CEP41: variants seen among roughly 807,000 people sequenced by gnomAD.
The protein encoded by CEP41 is centrosomal protein of 41 kDa.
In CEP41, 32 loss-of-function variants were observed where a neutral mutation model predicts 44.3. The observed-to-expected ratio is 0.72, with a 90% CI of 0.54 to 0.97. The LOEUF is 0.97. CEP41 is among the 50% of genes least tolerant of loss of function. The pLI is 0.00. For missense variants in CEP41, 432 were observed against 455.2 expected (o/e 0.95, Z 0.46); for synonymous variants, 151 against 168.5 (o/e 0.90, Z 0.80).
rs1282917673 is a variant in CEP41, at chr7:130,400,872, A to G, written c.643-51T>C. 5 of 1,157,208 alleles carry G rather than the reference A, an allele frequency of 4.3e-6. No individual in the cohort carries two copies. In the African/African-American group the frequency reaches 7.6e-5, roughly 18 times the overall value. The allele number at this position is 1,157,208 out of a possible 1,614,324, so 71.7% of individuals were successfully genotyped here. A position where few individuals can be genotyped will look rare whatever the true frequency, so the allele number is the denominator to read the frequency against. ...CAAGGCACTGGGCTGATGTCCCAAG[A>G]CTACGAGAAACCCCCAAGGAATAAA... On this transcript the variant is annotated intron_variant, in intron 8 of 10. Transcript: ENST00000223208.
intron 10 of CEP41, 166 bp from the exon 11 acceptor site, chr7:130,399,205 G>A: frequency 2.6e-6 from 2 of 780,002 alleles, no homozygotes; most frequent in Non-Finnish European, 4.2e-6. Flanking sequence ...CCTCATCCTT[G>A]AGATCAGCCT....
At chr7:130,417,322 G>A in intron 2 of CEP41, 2 of 1,112,698 alleles carry the variant, frequency 1.8e-6, no homozygotes, top group South Asian at 4.9e-5. Flanking sequence ...CTTTTTGTGG[G>A]GAAGATACAC....
At chr7:130,417,042 GA>G in intron 2 of CEP41, 76 bp from the exon 3 acceptor site, 3 of 1,369,064 alleles carry the variant, frequency 2.2e-6, no homozygotes. Flanking sequence ...CAGAATGGAG[GA>G]AAAGTATCCC....
rs557181852 is a variant in CEP41, at chr7:130,416,041, A to C, written c.145+878T>G. ...GGTTTCCCAATATTGCAGCAATTCA[A>C]ATGGAACTTTGATTTCAAATAAAAG... On this transcript the variant is annotated intron_variant, in intron 3 of 10. Coordinates refer to ENST00000223208, the MANE Select transcript of CEP41 (RefSeq NM_018718.3). 5.9e-4 allele frequency among the ~76,000 whole-genome samples: 90 copies of C among 152,290 alleles called. 1 individual carries two copies. Among genetic ancestry groups the C allele is most frequent in the African/African-American group, 1.9e-3 (80 of 41,568 alleles).
rs1554416738 is a variant in CEP41 at position 130,400,816 on chromosome 7, A to G, written c.648T>C (p.Asn216=). ...ACAGAATGATGATCTTGCCATGGGCATTTTTCTAAGAGTCAGATGAGTTAA... is the reference window on the plus strand; with the variant it reads ...ACAGAATGATGATCTTGCCATGGGCGTTTTTCTAAGAGTCAGATGAGTTAA... The part of the protein sequence containing the change: ...PYSNDILEYK[N]AHGKIIILYD... The change falls in exon 9 of 11, where the codon AAT becomes AAC. Residue 216 remains asparagine, a synonymous_variant. Coordinates refer to ENST00000223208, the MANE Select transcript of CEP41 (RefSeq NM_018718.3). The G allele has an allele frequency of 1.2e-6, 2 of 1,607,500 alleles. No homozygotes were observed. The highest frequency in any genetic ancestry group is 2.2e-5 in the East Asian group (1 of 44,840).
At chr7:130,416,847 TGTTA>T in intron 3 of CEP41, 68 bp downstream of exon 3, 1 of 1,154,690 alleles carries the variant, frequency 8.7e-7, no homozygotes, top group Middle Eastern at 1.9e-4. Flanking sequence ...GGAACACAAT[TGTTA>T]GTTAAGAACC....
At chr7:130,418,874 AC>A (rs1203257522) in intron 2 of CEP41, among the ~76,000 whole-genome samples, 2 of 152,192 alleles carry the variant, frequency 1.3e-5, no homozygotes, top group Non-Finnish European at 2.9e-5. Context: ...TATTATTGAA[AC>A]ACTGCATTTC....
At position 130,432,588 on chromosome 7, in the gene CEP41, C is replaced by CAAAAAAA. The variant is rs56874452; in HGVS notation, c.34-4577_34-4571dup. Among the ~76,000 whole-genome samples the CAAAAAAA allele has an allele frequency of 8.0e-4, 48 of 59,802 alleles. 1 individual carries two copies. Among genetic ancestry groups the CAAAAAAA allele is most frequent in the East Asian group, 2.3e-3 (6 of 2,594 alleles). The allele number at this position is 59,802 out of a possible 152,430, so 39.2% of individuals were successfully genotyped here. A position where few individuals can be genotyped will look rare whatever the true frequency, so the allele number is the denominator to read the frequency against. ...GCAACACAGGGAAACTTTGTTTCCA[C>CAAAAAAA]AAAAAAAAAAAAAAAAAAAAAAAAA... On this transcript the variant is annotated intron_variant, in intron 1 of 10. Coordinates refer to ENST00000223208, the MANE Select transcript of CEP41 (RefSeq NM_018718.3).
chr7:130,437,764 C>CAAAAAAAAAAAAAAAAAAA (rs1171735164), intron 1 of CEP41, among the ~76,000 whole-genome samples: 53 of 32,298 alleles, frequency 1.6e-3, no homozygotes, highest in Middle Eastern at 0.013. Context: ...AAGACTGTCT[C>CAAAAAAAAAAAAAAAAAAA]AAAAAAAAAA....
chr7:130,396,696 T>C lies in CEP41; in HGVS notation c.*2195A>G, dbSNP rs1554414719. 1 of 454,448 alleles carries C rather than the reference T, an allele frequency of 2.2e-6. No homozygotes were observed. Among genetic ancestry groups the C allele is most frequent in the East Asian group, 6.9e-5 (1 of 14,412 alleles). The allele number at this position is 454,448 out of a possible 1,614,324, so 28.2% of individuals were successfully genotyped here. A position where few individuals can be genotyped will look rare whatever the true frequency, so the allele number is the denominator to read the frequency against. The stretch of plus-strand genomic sequence containing the variant: ...GAATGTTTGATATTAACACTTAACA[T>C]GCAAAACGCAGATTAGAACAGCTCT... On this transcript the variant is annotated 3_prime_UTR_variant, in exon 11 of 11. Transcript: ENST00000223208.
intron 2 of CEP41, chr7:130,419,325 C>A: frequency 3.0e-6 from 3 of 985,374 alleles, no homozygotes; most frequent in Non-Finnish European, 3.6e-6. Context: ...AATGAGATAG[C>A]AGGATGGCTG....
In CEP41 at chr7:130,395,445, T is replaced by C. The variant is rs139710833; in HGVS notation, c.*3446A>G. The C allele has an allele frequency of 7.0e-5, 32 of 454,124 alleles. 1 individual carries two copies. Among genetic ancestry groups the C allele is most frequent in the Admixed American group, 3.5e-4 (15 of 42,582 alleles). The allele number at this position is 454,124 out of a possible 1,614,324, so 28.1% of individuals were successfully genotyped here. ...CACATTAAAGACACTGAGAACGTTT[T>C]AGAACTGGAGAAAGAAAGGTTCTTA... On this transcript the variant is annotated 3_prime_UTR_variant, in exon 11 of 11. Transcript: ENST00000223208.
intron 1 of CEP41, among the ~76,000 whole-genome samples, chr7:130,431,648 G>C (rs568468490): frequency 1.7e-4 from 26 of 152,292 alleles, no homozygotes; most frequent in African/African-American, 6.0e-4. Context: ...TCAAGCTAAA[G>C]GAGTAGTGGG....
intron 5 of CEP41, among the ~76,000 whole-genome samples, chr7:130,405,661 C>T: frequency 6.6e-6 from 1 of 152,010 alleles, no homozygotes; most frequent in East Asian, 1.9e-4. Flanking sequence ...CTCTAAATGG[C>T]CAGTGCATGA....
In CEP41 at chr7:130,400,198, C is replaced by T. The variant is rs782444437; in HGVS notation, c.814G>A (p.Ala272Thr). ...GGAGGAAGGGCCTGCTGGCAAGATG[C>T]TGGCAGGGAACCAGTAATCAGTCCT... ...PEGLITGSLP[A>T]SCQQALPPGS... The change falls in exon 10 of 11, where the codon GCA (alanine) becomes ACA (threonine). Residue 272 changes from alanine (A) to threonine (T), a missense_variant. Transcript: ENST00000223208. 1.5e-5 allele frequency: 25 copies of T among 1,613,876 alleles called. No homozygotes were observed. Among genetic ancestry groups the T allele is most frequent in the Non-Finnish European group, 1.5e-5 (18 of 1,179,974 alleles).
intron 1 of CEP41, among the ~76,000 whole-genome samples, chr7:130,429,589 C>G (rs1490242629): frequency 6.6e-6 from 1 of 152,166 alleles, no homozygotes; most frequent in East Asian, 1.9e-4. Context: ...CTTCTGCCAC[C>G]CTTCCTCATG....
Position 130,397,656 on chromosome 7 carries a change from CA to C in CEP41, c.*1234del, listed in dbSNP as rs1554415381. 2 of 454,186 alleles carry C rather than the reference CA, an allele frequency of 4.4e-6. No homozygotes were observed. Among genetic ancestry groups the C allele is most frequent in the East Asian group, 1.4e-4 (2 of 14,392 alleles). The allele number at this position is 454,186 out of a possible 1,614,324, so 28.1% of individuals were successfully genotyped here. On this transcript the variant is annotated 3_prime_UTR_variant, in exon 11 of 11. Transcript: ENST00000223208. ...ATGACAAAGAGCACAATTTATTCCT[CA>C]GTCCCTTATCACAGCTACGATCACA... is the stretch of plus-strand genomic sequence containing the variant.
At chr7:130,399,159 T>TAGCCTACAACCACTTTTAAGCTA in intron 10 of CEP41, 120 bp from the exon 11 acceptor site, 4 of 1,273,516 alleles carry the variant, frequency 3.1e-6, no homozygotes, top group Non-Finnish European at 3.4e-6. Context: ...AATGAAGTCC[T>TAGCCTACAACCACTTTTAAGCTA]ATGCAGTATC....
At chr7:130,406,901 T>G (rs1333476647) in intron 5 of CEP41, among the ~76,000 whole-genome samples, 3 of 151,718 alleles carry the variant, frequency 2.0e-5, no homozygotes, top group Non-Finnish European at 4.4e-5. Flanking sequence ...CACACCAACA[T>G]GGCACATATA....
Sources: allele counts gnomAD v4.1 joint callset (sites outside exome capture counted in the v4.1 genomes callset), GRCh38; gene constraint gnomAD v4.1.1; transcripts MANE v1.5; gene names NCBI Gene and HGNC (gene_info 2026-07-23, HGNC 2026-07-21).